Variants in NR4A3 observed in about 807,000 individuals in gnomAD.
The protein encoded by NR4A3 is nuclear receptor subfamily 4 group A member 3, also known as chondrosarcoma, extraskeletal myxoid, fused to EWS.
NR4A3 carries 13 observed loss-of-function variants against 55.6 expected under a neutral mutation model. That is an observed-to-expected ratio of 0.23 (90% CI 0.15 to 0.37). The LOEUF (loss-of-function observed/expected upper bound fraction) is 0.37, where lower values mean the gene tolerates loss of function less well. Ranked by LOEUF, NR4A3 falls within the 10% of genes least tolerant of loss-of-function variation. NR4A3 has a pLI of 1.00. For synonymous variants in NR4A3, 342 were observed against 357.9 expected (o/e 0.96, Z 0.50); for missense variants, 646 against 822.8 (o/e 0.79, Z 2.63).
intron 7 of NR4A3, among the ~76,000 whole-genome samples, chr9:99,861,051 G>C (rs1587890097): frequency 2.0e-5 from 3 of 152,334 alleles, no homozygotes; most frequent in South Asian, 4.1e-4. Context: ...TTGAGCCTTA[G>C]AGAAATTAGG....
Position 99,844,651 on chromosome 9 carries a change from C to T in NR4A3, c.1257C>T (p.Tyr419=), listed in dbSNP as rs765839944. 1.9e-6 allele frequency: 3 copies of T among 1,614,052 alleles called. No individual in the cohort carries two copies. Among genetic ancestry groups the T allele is most frequent in the East Asian group, 2.2e-5 (1 of 44,882 alleles). Residue 419 remains tyrosine, a splice_region_variant and synonymous_variant, in exon 6 of 8, where the codon TAC becomes TAT. Coordinates refer to ENST00000395097, the MANE Select transcript of NR4A3 (RefSeq NM_006981.4). ...GCTCTCTCTGGTTTGCATTCTAGTA[C>T]TGTCCCACTGACCAGGCTGCTGCAG... The part of the protein sequence containing the change: ...STPRDLDYSR[Y]CPTDQAAAGT...
Position 99,828,633 on chromosome 9 carries a change from G to T in NR4A3, c.591G>T (p.Pro197=), listed in dbSNP as rs930061187. 8.8e-6 allele frequency: 13 copies of T among 1,473,604 alleles called. No individual in the cohort carries two copies. The highest frequency in any genetic ancestry group is 1.1e-5 in the Non-Finnish European group (12 of 1,121,986). 91.3% of individuals were successfully genotyped at this position (1,473,604 alleles called of 1,614,324 possible). The change falls in exon 3 of 8, where the codon CCG becomes CCT. Residue 197 remains proline, a synonymous_variant. Coordinates refer to ENST00000395097, the MANE Select transcript of NR4A3 (RefSeq NM_006981.4). This position sits in a 1 kb window ranked among gnomAD's most constrained non-coding sequence, Gnocchi z 7.7. Reference sequence around the variant, plus strand: ...CGCTCTTCCACTTCAAGCCCTCGCCGCCGCATCCCCCCGCGCCCAGCCCGG... The same window carrying T: ...CGCTCTTCCACTTCAAGCCCTCGCCTCCGCATCCCCCCGCGCCCAGCCCGG... ...RFPLFHFKPS[P]PHPPAPSPAG...
At chr9:99,862,976 TG>T (rs568545612) in intron 7 of NR4A3, among the ~76,000 whole-genome samples, 118 of 151,782 alleles carry the variant, frequency 7.8e-4, no homozygotes, top group African/African-American at 2.6e-3. Flanking sequence ...GGGTTTCAAG[TG>T]GGGGGGAACA....
At chr9:99,834,133 T>C (rs1480324275) in intron 5 of NR4A3, 2 of 782,282 alleles carry the variant, frequency 2.6e-6, no homozygotes, top group Non-Finnish European at 3.2e-6. Flanking sequence ...TGACGATTGG[T>C]GTTGTTATAG....
intron 5 of NR4A3, among the ~76,000 whole-genome samples, chr9:99,837,929 A>C (rs891343865): frequency 6.6e-6 from 1 of 152,156 alleles, no homozygotes; most frequent in Non-Finnish European, 1.5e-5. Flanking sequence ...TTTTGTTCCA[A>C]GTCACAGAGG....
intron 3 of NR4A3, among the ~76,000 whole-genome samples, chr9:99,832,135 C>T (rs1280227130): frequency 1.3e-5 from 2 of 152,030 alleles, no homozygotes; most frequent in Non-Finnish European, 2.9e-5. Flanking sequence ...ATAAAATAAG[C>T]TATACAGGCT....
In NR4A3 at chr9:99,828,470, C is replaced by T; in HGVS notation, c.428C>T (p.Pro143Leu). The change falls in exon 3 of 8, where the codon CCC becomes CTC. Residue 143 changes from proline to leucine, a missense_variant. Pro to Leu is a moderately conservative substitution (Grantham distance 98, BLOSUM62 -3). Coordinates refer to ENST00000395097, the MANE Select transcript of NR4A3 (RefSeq NM_006981.4). The surrounding 1 kb of genome is among the most constrained non-coding windows in gnomAD (Gnocchi z 7.7). ...MYFKQSPPST[P>L]TTPAFPPQAG... The stretch of plus-strand genomic sequence containing the variant: ...TTCAAGCAGTCCCCACCGTCCACCC[C>T]CACCACGCCGGCCTTCCCCCCGCAG... The T allele has an allele frequency of 6.3e-7, 1 of 1,576,562 alleles. No individual in the cohort carries two copies.
rs1828103407 is a variant in NR4A3, at chr9:99,866,646, G to A, written c.*2779G>A. On this transcript the variant is annotated 3_prime_UTR_variant, in exon 8 of 8. Transcript: ENST00000395097. Reference sequence around the variant, plus strand: ...AAGAGAACAACATGTATTAAAGCAGGTGATTCCTCCCCTTGGCGGGAGAGC... The same window carrying A: ...AAGAGAACAACATGTATTAAAGCAGATGATTCCTCCCCTTGGCGGGAGAGC... The A allele has an allele frequency of 4.4e-6, 1 of 226,342 alleles. No individual in the cohort carries two copies. The allele number at this position is 226,342 out of a possible 1,614,324, so 14.0% of individuals were successfully genotyped here.
intron 5 of NR4A3, chr9:99,834,747 T>C: frequency 2.0e-6 from 2 of 979,378 alleles, no homozygotes; most frequent in Non-Finnish European, 2.4e-6. Flanking sequence ...CCTCTTTCCC[T>C]CTTCCCCACC....
chr9:99,846,245 GC>G (rs1827751222), intron 6 of NR4A3, among the ~76,000 whole-genome samples: 1 of 152,208 alleles, frequency 6.6e-6, no homozygotes, highest in South Asian at 2.1e-4. Context: ...ATATAATTCA[GC>G]CCCTTACTTG....
At chr9:99,855,606 G>C (rs894886270) in intron 7 of NR4A3, among the ~76,000 whole-genome samples, 1 of 152,190 alleles carries the variant, frequency 6.6e-6, no homozygotes, top group Non-Finnish European at 1.5e-5. Context: ...ATTTAAATCA[G>C]CCTCAACACA....
chr9:99,826,766 C>T (rs748568953), intron 2 of NR4A3: 2 of 1,613,740 alleles, frequency 1.2e-6, no homozygotes, highest in Non-Finnish European at 1.7e-6. Context: ...GATTTCATCC[C>T]ATACATGCAT....
Position 99,865,889 on chromosome 9 carries a change from G to A in NR4A3, c.*2022G>A. ...TTTTGAAATGTTAGACTTGGAAGGGGCCTGGTCTGTCAACTAGTCCAACCC... is the reference window on the plus strand; with the variant it reads ...TTTTGAAATGTTAGACTTGGAAGGGACCTGGTCTGTCAACTAGTCCAACCC... On this transcript the variant is annotated 3_prime_UTR_variant, in exon 8 of 8. Coordinates refer to ENST00000395097, the MANE Select transcript of NR4A3 (RefSeq NM_006981.4). This position sits in a 1 kb window ranked among gnomAD's most constrained non-coding sequence, Gnocchi z 4.3. 4.6e-6 allele frequency: 1 copy of A among 217,298 alleles called. No individual in the cohort carries two copies. The highest frequency in any genetic ancestry group is 9.3e-6 in the Non-Finnish European group (1 of 107,758). The allele number at this position is 217,298 out of a possible 1,614,324, so 13.5% of individuals were successfully genotyped here. A position where few individuals can be genotyped will look rare whatever the true frequency, so the allele number is the denominator to read the frequency against.
At chr9:99,839,960 G>T (rs765944394) in intron 5 of NR4A3, among the ~76,000 whole-genome samples, 2 of 152,198 alleles carry the variant, frequency 1.3e-5, no homozygotes, top group Non-Finnish European at 2.9e-5. Context: ...TATTCATTGG[G>T]TGAGGTTTTC....
In NR4A3 at chr9:99,865,076, G is replaced by A. The variant is rs545532418; in HGVS notation, c.*1209G>A. ...TTAGTGGGCTGCGTTTCAACATTCCGTGTTCGTACTCCCTTTTGTATGTTT... is the reference window on the plus strand; with the variant it reads ...TTAGTGGGCTGCGTTTCAACATTCCATGTTCGTACTCCCTTTTGTATGTTT... On this transcript the variant is annotated 3_prime_UTR_variant, in exon 8 of 8. Transcript: ENST00000395097. The surrounding 1 kb of genome is among the most constrained non-coding windows in gnomAD (Gnocchi z 4.3). The A allele has an allele frequency of 4.5e-5, 9 of 201,406 alleles. No individual in the cohort carries two copies. Among genetic ancestry groups the A allele is most frequent in the South Asian group, 1.9e-4 (1 of 5,252 alleles). 12.5% of individuals were successfully genotyped at this position (201,406 alleles called of 1,614,324 possible).
At chr9:99,823,949 C>G (rs1330803400) in intron 1 of NR4A3, among the ~76,000 whole-genome samples, 1 of 152,122 alleles carries the variant, frequency 6.6e-6, no homozygotes, top group Non-Finnish European at 1.5e-5. Context: ...CACAATGGTG[C>G]GTTTCACGGT....
intron 5 of NR4A3, chr9:99,833,990 G>T: frequency 8.9e-7 from 1 of 1,125,822 alleles, no homozygotes; most frequent in Non-Finnish European, 1.1e-6. Context: ...CTTCCTGCCT[G>T]TGTCACCTGG....
intron 7 of NR4A3, among the ~76,000 whole-genome samples, chr9:99,856,895 A>G (rs562794732): frequency 7.9e-5 from 12 of 152,348 alleles, no homozygotes; most frequent in Non-Finnish European, 1.5e-4. Context: ...AAGGGAACCT[A>G]TTGGTAATTA....
intron 5 of NR4A3, among the ~76,000 whole-genome samples, chr9:99,838,942 A>T (rs1236594537): frequency 1.3e-5 from 2 of 152,234 alleles, no homozygotes; most frequent in African/African-American, 4.8e-5. Context: ...CAATAGAGAT[A>T]TAAATTTTCC....
Sources: gnomAD v4.1 joint callset for allele counts (sites outside exome capture counted in the v4.1 genomes callset) on GRCh38, gnomAD v4.1.1 for gene constraint, Gnocchi (gnomAD v3.1) non-coding constraint, MANE v1.5 for transcripts, NCBI Gene and HGNC (gene_info 2026-07-23, HGNC 2026-07-21) for gene names.